CPLX2: variants seen among roughly 807,000 people sequenced by gnomAD.
The protein encoded by CPLX2 is complexin 2.
In CPLX2, 5 loss-of-function variants were observed where a neutral mutation model predicts 16.3. That is an observed-to-expected ratio of 0.31 (90% CI 0.16 to 0.64). CPLX2 has a LOEUF of 0.64. Ranked by LOEUF, CPLX2 falls within the 30% of genes least tolerant of loss-of-function variation. The pLI, the probability that CPLX2 is intolerant of heterozygous loss-of-function variation, is 0.79. For missense variants in CPLX2, 144 were observed against 181.4 expected, an observed-to-expected ratio of 0.79 and a Z score of 1.18; for synonymous variants, 89 against 73.2, an observed-to-expected ratio of 1.22 and a Z score of -1.10.
chr5:175,877,782 G>C (rs985339472), intron 1 of CPLX2, among the ~76,000 whole-genome samples: 8 of 152,148 alleles, frequency 5.3e-5, no homozygotes, highest in East Asian at 3.9e-4. Context: ...TACATATTTT[G>C]CATATTGAGA....
At chr5:175,867,762 C>G (rs1163298038), upstream of CPLX2, among the ~76,000 whole-genome samples, 1 of 152,124 alleles carries the variant, frequency 6.6e-6, no homozygotes, top group African/African-American at 2.4e-5. Context: ...TGTCACTGCA[C>G]ATGAGTGCTG....
At chr5:175,834,863 G>A (rs1400607352) in intron 2 of CPLX2, among the ~76,000 whole-genome samples, 1 of 152,184 alleles carries the variant, frequency 6.6e-6, no homozygotes, top group Non-Finnish European at 1.5e-5. Context: ...GACAGAGCGA[G>A]ATCCTGTCTC....
At chr5:175,803,251 C>A (rs145436322) in intron 1 of CPLX2, among the ~76,000 whole-genome samples, 2 of 152,294 alleles carry the variant, frequency 1.3e-5, no homozygotes, top group East Asian at 3.9e-4. Flanking sequence ...CACTGGGCAG[C>A]TGTATGAGCC....
At chr5:175,843,659 C>T (rs1377980843) in intron 2 of CPLX2, among the ~76,000 whole-genome samples, 9 of 152,228 alleles carry the variant, frequency 5.9e-5, no homozygotes, top group Non-Finnish European at 1.2e-4. Flanking sequence ...CCACTCCTCA[C>T]CAGCAAAGGG....
intron 2 of CPLX2, among the ~76,000 whole-genome samples, chr5:175,858,964 A>T (rs1248389812): frequency 6.6e-6 from 1 of 152,230 alleles, no homozygotes; most frequent in Non-Finnish European, 1.5e-5. Flanking sequence ...AACCTTGGTG[A>T]CACACAGCTC....
Position 175,871,619 on chromosome 5 carries a change from C to A in CPLX2, c.-175C>A, listed in dbSNP as rs527799255. On this transcript the variant is annotated 5_prime_UTR_variant, in exon 1 of 4. Coordinates refer to ENST00000393745, the MANE Select transcript of CPLX2 (RefSeq NM_001008220.2). ...GCTCGCCTGGCGGAATTGCACGCGG[C>A]GGCGGGAGCTGGAATAGCAGAAGGA... The A allele has an allele frequency of 1.3e-5, 2 of 152,184 alleles. No homozygotes were observed. Among genetic ancestry groups the A allele is most frequent in the Non-Finnish European group, 2.9e-5 (2 of 68,052 alleles). 9.4% of individuals were successfully genotyped at this position (152,184 alleles called of 1,614,324 possible).
intron 2 of CPLX2, among the ~76,000 whole-genome samples, chr5:175,856,403 T>A (rs1397272465): frequency 1.3e-5 from 2 of 152,170 alleles, no homozygotes; most frequent in Non-Finnish European, 2.9e-5. Context: ...AGAGGTGCAG[T>A]GACTTGCCTA....
chr5:175,860,942 T>C (rs1249705227), intron 2 of CPLX2, among the ~76,000 whole-genome samples: 1 of 148,172 alleles, frequency 6.7e-6, no homozygotes, highest in Non-Finnish European at 1.5e-5. Context: ...GCCATAGTGA[T>C]AGGGTGAGAG....
At chr5:175,828,168 T>C (rs1471270424) in intron 2 of CPLX2, among the ~76,000 whole-genome samples, 1 of 152,224 alleles carries the variant, frequency 6.6e-6, no homozygotes, top group African/African-American at 2.4e-5. Context: ...AAATACCTAA[T>C]ATCTATTGCA....
intron 1 of CPLX2, among the ~76,000 whole-genome samples, chr5:175,797,759 G>C (rs528467887): frequency 1.1e-4 from 17 of 152,156 alleles, no homozygotes; most frequent in Non-Finnish European, 2.2e-4. Context: ...AGAGAAGGCA[G>C]GGGGGAGGGG....
At chr5:175,875,748 C>CA (rs1194298203) in intron 1 of CPLX2, among the ~76,000 whole-genome samples, 1 of 151,974 alleles carries the variant, frequency 6.6e-6, no homozygotes, top group Non-Finnish European at 1.5e-5. Flanking sequence ...AGAGTGTAGA[C>CA]AGAGTGAACA....
At chr5:175,825,133 G>A (rs982625622) in intron 2 of CPLX2, among the ~76,000 whole-genome samples, 3 of 151,870 alleles carry the variant, frequency 2.0e-5, no homozygotes, top group Non-Finnish European at 2.9e-5. Flanking sequence ...ACAGTGGCTC[G>A]CACCTGTAAT....
At chr5:175,869,348 G>A (rs1182618054), upstream of CPLX2, among the ~76,000 whole-genome samples, 1 of 152,134 alleles carries the variant, frequency 6.6e-6, no homozygotes, top group African/African-American at 2.4e-5. Flanking sequence ...GCCATCAGCT[G>A]GACCAGCCTC....
intron 2 of CPLX2, among the ~76,000 whole-genome samples, chr5:175,831,736 G>A (rs1758739100): frequency 6.6e-6 from 1 of 152,188 alleles, no homozygotes; most frequent in East Asian, 1.9e-4. Flanking sequence ...GGTCAACCAA[G>A]AACTATGACA....
intron 2 of CPLX2, among the ~76,000 whole-genome samples, chr5:175,854,378 A>G (rs1759211779): frequency 6.6e-6 from 1 of 152,100 alleles, no homozygotes; most frequent in South Asian, 2.1e-4. Context: ...TGGGGAAGCA[A>G]GGACTCTTGA....
At chr5:175,844,654 G>A (rs919120754) in intron 2 of CPLX2, among the ~76,000 whole-genome samples, 2 of 152,246 alleles carry the variant, frequency 1.3e-5, no homozygotes, top group African/African-American at 2.4e-5. Context: ...AACAGCCATG[G>A]GGCCGAGGGA....
chr5:175,812,904 T>C (rs1758338780), intron 2 of CPLX2, among the ~76,000 whole-genome samples: 1 of 152,228 alleles, frequency 6.6e-6, no homozygotes, highest in African/African-American at 2.4e-5. Context: ...TTTTAAAAAG[T>C]GCATTTGGGA....
intron 2 of CPLX2, among the ~76,000 whole-genome samples, chr5:175,832,786 T>C (rs1233647574): frequency 6.6e-6 from 1 of 152,108 alleles, no homozygotes; most frequent in Non-Finnish European, 1.5e-5. Flanking sequence ...GAAGGGAACA[T>C]GCATGGAGAG....
chr5:175,821,471 G>A (rs540813670), intron 2 of CPLX2, among the ~76,000 whole-genome samples: 141 of 152,142 alleles, frequency 9.3e-4, no homozygotes, highest in South Asian at 4.2e-3. Context: ...GCAATGGCGC[G>A]ATCTCGGCTC....
Sources: gnomAD v4.1 joint callset for allele counts (sites outside exome capture counted in the v4.1 genomes callset) on GRCh38, gnomAD v4.1.1 for gene constraint, MANE v1.5 for transcripts, NCBI Gene and HGNC (gene_info 2026-07-23, HGNC 2026-07-21) for gene names.